Variants in TCF7L1 observed in about 807,000 individuals in gnomAD.
TCF7L1 encodes the protein transcription factor 7-like 1.
A neutral mutation model predicts 63.7 loss-of-function variants in TCF7L1; 18 were observed. The observed-to-expected ratio is 0.28, with a 90% CI of 0.20 to 0.42. TCF7L1 has a LOEUF of 0.42. TCF7L1 is among the 10% of genes least tolerant of loss of function. The pLI is 1.00. For missense variants in TCF7L1, 654 were observed against 779.3 expected (o/e 0.84, Z 1.91); for synonymous variants, 355 against 340.9 (o/e 1.04, Z -0.46).
chr2:85,271,235 C>T (rs1189715515), intron 3 of TCF7L1, among the ~76,000 whole-genome samples: 1 of 152,112 alleles, frequency 6.6e-6, no homozygotes, highest in Non-Finnish European at 1.5e-5. Context: ...GCCTCAGCCT[C>T]CCAAGTAGCT....
chr2:85,268,455 G>A (rs965939919), intron 3 of TCF7L1, among the ~76,000 whole-genome samples: 4 of 149,740 alleles, frequency 2.7e-5, no homozygotes, highest in Non-Finnish European at 4.4e-5. Context: ...CCCAAAGGGC[G>A]AATAAGATTG....
In TCF7L1 at chr2:85,260,999, T is replaced by A. The variant is rs1002640386; in HGVS notation, c.442-22496T>A. On this transcript the variant is annotated intron_variant, in intron 3 of 11. Transcript: ENST00000282111. ...CAGGCCTTGCACACGTCCTGTGAGA[T>A]CCTACCTGCCAAGAACCTGTCTGCC... Among the ~76,000 whole-genome samples the A allele has an allele frequency of 5.9e-5, 9 of 152,306 alleles. No individual in the cohort carries two copies. The East Asian group carries it at 1.7e-3, about 29-fold the overall frequency.
At chr2:85,215,070 G>A (rs1401358996) in intron 3 of TCF7L1, among the ~76,000 whole-genome samples, 1 of 152,182 alleles carries the variant, frequency 6.6e-6, no homozygotes, top group Non-Finnish European at 1.5e-5. Flanking sequence ...TGAAACCAGA[G>A]TCTGTCCATC....
chr2:85,144,646 A>T (rs1677826541), intron 3 of TCF7L1, among the ~76,000 whole-genome samples: 2 of 151,536 alleles, frequency 1.3e-5, no homozygotes, highest in African/African-American at 4.9e-5. Context: ...CATACTAAAC[A>T]TTTACACAGT....
intron 3 of TCF7L1, 112 bp from the exon 4 acceptor site, chr2:85,283,383 C>A: frequency 7.5e-6 from 8 of 1,060,386 alleles, no homozygotes; most frequent in Non-Finnish European, 1.2e-5. Context: ...CATGAAAATG[C>A]AGGCCACCCC....
chr2:85,169,210 C>T (rs976680934), intron 3 of TCF7L1, among the ~76,000 whole-genome samples: 1 of 152,080 alleles, frequency 6.6e-6, no homozygotes, highest in African/African-American at 2.4e-5. Context: ...CTCATCAGTC[C>T]TTCATTCAGC....
intron 3 of TCF7L1, among the ~76,000 whole-genome samples, chr2:85,217,977 TTC>T (rs1443329350): frequency 1.3e-5 from 2 of 152,180 alleles, no homozygotes; most frequent in Non-Finnish European, 2.9e-5. Flanking sequence ...AATAATTTTT[TTC>T]TTTTTTGTCT....
At chr2:85,166,535 A>G (rs993489665) in intron 3 of TCF7L1, among the ~76,000 whole-genome samples, 2 of 152,234 alleles carry the variant, frequency 1.3e-5, no homozygotes, top group Admixed American at 6.5e-5. Flanking sequence ...GTAAGGTCTT[A>G]GCCTGGTGGG....
At chr2:85,177,139 T>C (rs1051990172) in intron 3 of TCF7L1, among the ~76,000 whole-genome samples, 2 of 152,082 alleles carry the variant, frequency 1.3e-5, no homozygotes, top group African/African-American at 4.8e-5. Flanking sequence ...TCTTCCAAGT[T>C]GCAGACTGCT....
chr2:85,267,751 T>A (rs1270427457), intron 3 of TCF7L1, among the ~76,000 whole-genome samples: 1 of 151,938 alleles, frequency 6.6e-6, no homozygotes, highest in Non-Finnish European at 1.5e-5. Context: ...TAAATGAGGA[T>A]AATAATAGCA....
At chr2:85,173,982 G>A (rs368954731) in intron 3 of TCF7L1, among the ~76,000 whole-genome samples, 92 of 152,232 alleles carry the variant, frequency 6.0e-4, no homozygotes, top group African/African-American at 2.0e-3. Context: ...TGATCCGCCC[G>A]CCTCAGCCTC....
chr2:85,187,444 T>C (rs2104259704), intron 3 of TCF7L1, among the ~76,000 whole-genome samples: 1 of 152,352 alleles, frequency 6.6e-6, no homozygotes, highest in African/African-American at 2.4e-5. Flanking sequence ...CTAAAAGTTG[T>C]ATAGTTTTGT....
chr2:85,199,188 A>T lies in TCF7L1; in HGVS notation c.441+64738A>T, dbSNP rs117265056. 8.4e-4 allele frequency among the ~76,000 whole-genome samples: 128 copies of T among 152,296 alleles called. 1 individual carries two copies. In the East Asian group the frequency reaches 0.018, roughly 21 times the overall value. ...GCTGGAGTAACTAGAAAAAGAACTCAGTTTCCTTCCCAAGGAAGAAACTGT... is the reference window on the plus strand; with the variant it reads ...GCTGGAGTAACTAGAAAAAGAACTCTGTTTCCTTCCCAAGGAAGAAACTGT... On this transcript the variant is annotated intron_variant, in intron 3 of 11. Transcript: ENST00000282111.
At chr2:85,216,148 T>G (rs765501942) in intron 3 of TCF7L1, among the ~76,000 whole-genome samples, 35 of 152,074 alleles carry the variant, frequency 2.3e-4, no homozygotes, top group Non-Finnish European at 5.0e-4. Context: ...GCTGCCCTTC[T>G]CCGAGAAAGG....
chr2:85,292,267 G>A lies in TCF7L1; in HGVS notation c.525+8689G>A, dbSNP rs1275693635. On this transcript the variant is annotated intron_variant, in intron 4 of 11. Transcript: ENST00000282111. Reference sequence around the variant, plus strand: ...GATCTCCTGACCTCGTGATCCGCCCGCCTCGGCCTCCCAAAGTGCTGGGAT... The same window carrying A: ...GATCTCCTGACCTCGTGATCCGCCCACCTCGGCCTCCCAAAGTGCTGGGAT... 4.2e-4 allele frequency among the ~76,000 whole-genome samples: 5 copies of A among 12,048 alleles called. 2 individuals carry two copies. The highest frequency in any genetic ancestry group is 5.4e-4 in the Non-Finnish European group (5 of 9,178). The allele number at this position is 12,048 out of a possible 152,430, so 7.9% of individuals were successfully genotyped here.
chr2:85,276,088 TG>T (rs2104361058), intron 3 of TCF7L1, among the ~76,000 whole-genome samples: 1 of 152,366 alleles, frequency 6.6e-6, no homozygotes, highest in South Asian at 2.1e-4. Context: ...CTTTTGCCCC[TG>T]GAACTCTTTG....
chr2:85,139,588 G>A (rs901161862), intron 3 of TCF7L1, among the ~76,000 whole-genome samples: 1 of 152,142 alleles, frequency 6.6e-6, no homozygotes, highest in Non-Finnish European at 1.5e-5. Flanking sequence ...GGTTTAAACT[G>A]GTCCTTAAAA....
At chr2:85,173,549 CAG>C (rs1678603402) in intron 3 of TCF7L1, among the ~76,000 whole-genome samples, 1 of 152,128 alleles carries the variant, frequency 6.6e-6, no homozygotes, top group Non-Finnish European at 1.5e-5. Flanking sequence ...TATATGAAGG[CAG>C]GGGAATCGCA....
chr2:85,168,090 G>A (rs1177643157), intron 3 of TCF7L1, among the ~76,000 whole-genome samples: 1 of 152,104 alleles, frequency 6.6e-6, no homozygotes. Flanking sequence ...TATGAGATGA[G>A]TAAGCTCTGC....
Sources: allele counts gnomAD v4.1 joint callset (sites outside exome capture counted in the v4.1 genomes callset), GRCh38; gene constraint gnomAD v4.1.1; transcripts MANE v1.5; gene names NCBI Gene and HGNC (gene_info 2026-07-23, HGNC 2026-07-21).